POC1B: variants seen among roughly 807,000 people sequenced by gnomAD.
The protein encoded by POC1B is POC1 centriolar protein B, also known as POC1 centriolar protein homolog B.
Under a neutral mutation model 60.6 loss-of-function variants are expected in POC1B, and 44 were observed. That is an observed-to-expected ratio of 0.73 (90% CI 0.57 to 0.93). The LOEUF is 0.93. Among genes scored for constraint, POC1B ranks in the 40% least tolerant of loss-of-function variants. The probability of loss-of-function intolerance (pLI) is 0.00; values close to 1 mark genes in which losing one functional copy is unlikely to be tolerated. For synonymous variants in POC1B, 180 were observed against 198.9 expected, an observed-to-expected ratio of 0.90 and a Z score of 0.80; for missense variants, 555 against 572.3, an observed-to-expected ratio of 0.97 and a Z score of 0.31.
intron 2 of POC1B, among the ~76,000 whole-genome samples, chr12:89,516,822 T>G (rs1005478442): frequency 6.6e-6 from 1 of 152,216 alleles, no homozygotes; most frequent in African/African-American, 2.4e-5. Context: ...ACTCACTGGC[T>G]TGTGGCTGTG....
downstream of POC1B, among the ~76,000 whole-genome samples, chr12:89,419,110 T>C (rs1473963022): frequency 2.6e-5 from 4 of 152,022 alleles, no homozygotes; most frequent in Admixed American, 6.6e-5. Flanking sequence ...TGTCATTTTA[T>C]TGACACATGC....
chr12:89,464,871 G>T (rs1882628636), intron 9 of POC1B, among the ~76,000 whole-genome samples: 1 of 151,464 alleles, frequency 6.6e-6, no homozygotes, highest in African/African-American at 2.4e-5. Context: ...CACTCTTCTG[G>T]CATTTTATAT....
intron 4 of POC1B, among the ~76,000 whole-genome samples, chr12:89,487,599 A>G (rs574292892): frequency 2.0e-5 from 3 of 152,268 alleles, no homozygotes; most frequent in Non-Finnish European, 4.4e-5. Flanking sequence ...GGGTGATGCT[A>G]TGGTGCAGGC....
the POC1B span, among the ~76,000 whole-genome samples, chr12:89,412,716 GAAAT>G: frequency 2.0e-5 from 3 of 151,762 alleles, no homozygotes; most frequent in Non-Finnish European, 4.4e-5. Flanking sequence ...AAAGCATTCT[GAAAT>G]AAATACTTAA....
chr12:89,497,489 T>A, intron 2 of POC1B, 147 bp from the exon 3 acceptor site: 1 of 749,288 alleles, frequency 1.3e-6, no homozygotes, highest in South Asian at 1.9e-5. Flanking sequence ...ATAGCCAAAT[T>A]ACTTTTTAAA....
At chr12:89,407,684 G>C in the POC1B span, among the ~76,000 whole-genome samples, 1 of 152,224 alleles carries the variant, frequency 6.6e-6, no homozygotes, top group Non-Finnish European at 1.5e-5. Context: ...CTGGAGCAAG[G>C]ATGCATATAA....
At chr12:89,501,544 G>C in intron 2 of POC1B, 1 of 1,210,806 alleles carries the variant, frequency 8.3e-7, no homozygotes, top group Non-Finnish European at 1.2e-6. Flanking sequence ...GATGCCACCT[G>C]TGGGAAGCAA....
chr12:89,491,934 A>AT lies in POC1B; in HGVS notation c.452+1_452+2insA. On this transcript the variant is annotated splice_donor_variant, in intron 4 of 11. Transcript: ENST00000313546. LOFTEE classifies it high-confidence loss of function. ...TCTTAATATGAAATTTTTTGCACTT[A>AT]CTTGGCACAGCGTACCCAGTGTGTA... 6.7e-7 allele frequency: 1 copy of AT among 1,496,574 alleles called. No homozygotes were observed. The highest frequency in any genetic ancestry group is 8.9e-7 in the Non-Finnish European group (1 of 1,121,574). The allele number at this position is 1,496,574 out of a possible 1,614,324, so 92.7% of individuals were successfully genotyped here.
At chr12:89,482,035 T>A (rs1868380566) in intron 4 of POC1B, among the ~76,000 whole-genome samples, 1 of 152,202 alleles carries the variant, frequency 6.6e-6, no homozygotes, top group African/African-American at 2.4e-5. Flanking sequence ...AATTTAGCCA[T>A]GTTTGGACAT....
chr12:89,480,523 C>T (rs1056254982), intron 4 of POC1B, among the ~76,000 whole-genome samples: 9 of 150,498 alleles, frequency 6.0e-5, no homozygotes, highest in Middle Eastern at 3.4e-3. Context: ...AAGGTTCACA[C>T]GATTCTTGTG....
chr12:89,447,269 T>C (rs1412295636), intron 10 of POC1B, among the ~76,000 whole-genome samples: 1 of 152,206 alleles, frequency 6.6e-6, no homozygotes, highest in Non-Finnish European at 1.5e-5. Context: ...AAGTTTCTCA[T>C]GTGATCTTTT....
intron 4 of POC1B, among the ~76,000 whole-genome samples, chr12:89,485,018 A>C (rs1184752268): frequency 6.6e-6 from 1 of 152,242 alleles, no homozygotes; most frequent in African/African-American, 2.4e-5. Context: ...CAAAAGAAGA[A>C]GGCCCTGACT....
chr12:89,498,420 C>A (rs1383926999), intron 2 of POC1B, among the ~76,000 whole-genome samples: 1 of 152,060 alleles, frequency 6.6e-6, no homozygotes, highest in Non-Finnish European at 1.5e-5. Flanking sequence ...GGAAGTAGGT[C>A]AATGAGAATC....
intron 4 of POC1B, among the ~76,000 whole-genome samples, chr12:89,476,840 A>G (rs1362900470): frequency 1.3e-5 from 2 of 152,190 alleles, no homozygotes; most frequent in Non-Finnish European, 2.9e-5. Flanking sequence ...TACATTTTCT[A>G]TAAAAACACA....
At chr12:89,525,850 G>A (rs1871434136) in intron 1 of POC1B, 31 bp downstream of exon 1, 1 of 1,412,238 alleles carries the variant, frequency 7.1e-7, no homozygotes, top group Non-Finnish European at 9.3e-7. Context: ...GCTCCAGGGA[G>A]GGACCCCCCC....
rs942901561 is a variant in POC1B, at chr12:89,497,311, T to A, written c.132A>T (p.Leu44=). Residue 44 remains leucine, a synonymous_variant, in exon 3 of 12, where the codon CTA becomes CTT. Transcript: ENST00000313546. The part of the protein sequence containing the change: ...ATASWDTFLM[L]WNFKPHARAY... ...CTCTAGCATGTGGCTTGAAATTCCATAGCATGAGAAAGGTATCCCAAGAAG... is the reference window on the plus strand; with the variant it reads ...CTCTAGCATGTGGCTTGAAATTCCAAAGCATGAGAAAGGTATCCCAAGAAG... The A allele has an allele frequency of 4.4e-5, 71 of 1,612,618 alleles. No individual in the cohort carries two copies. Among genetic ancestry groups the A allele is most frequent in the Non-Finnish European group, 5.9e-5 (70 of 1,179,952 alleles).
chr12:89,502,967 G>A (rs931387347), intron 2 of POC1B, among the ~76,000 whole-genome samples: 5 of 152,084 alleles, frequency 3.3e-5, no homozygotes, highest in Admixed American at 2.6e-4. Flanking sequence ...TTAAATATAT[G>A]TGTGTATATA....
At chr12:89,438,458 A>AAAACAAAC (rs373774915) in intron 10 of POC1B, among the ~76,000 whole-genome samples, 1 of 152,216 alleles carries the variant, frequency 6.6e-6, no homozygotes, top group African/African-American at 2.4e-5. Context: ...CTCCGTCTCA[A>AAAACAAAC]AAACAAACAA....
the POC1B span, among the ~76,000 whole-genome samples, chr12:89,408,769 G>A: frequency 6.6e-6 from 1 of 152,174 alleles, no homozygotes; most frequent in Non-Finnish European, 1.5e-5. Flanking sequence ...TTACAGGCGT[G>A]AGCCACCGCG....
Sources: gnomAD v4.1 joint callset for allele counts (sites outside exome capture counted in the v4.1 genomes callset) on GRCh38, gnomAD v4.1.1 for gene constraint, MANE v1.5 for transcripts, NCBI Gene and HGNC (gene_info 2026-07-23, HGNC 2026-07-21) for gene names.